Variants in KAZN observed in about 807,000 individuals in gnomAD.
KAZN encodes the protein kazrin, periplakin interacting protein.
In KAZN, 40 loss-of-function variants were observed where a neutral mutation model predicts 87.4. The observed-to-expected ratio is 0.46, with a 90% CI of 0.36 to 0.60. KAZN has a LOEUF of 0.60. Among genes scored for constraint, KAZN ranks in the 20% least tolerant of loss-of-function variants. The probability of loss-of-function intolerance (pLI) is 0.00; values close to 1 mark genes in which losing one functional copy is unlikely to be tolerated. For synonymous variants in KAZN, 466 were observed against 458.3 expected (o/e 1.02, Z -0.22); for missense variants, 898 against 1,073.9 (o/e 0.84, Z 2.29).
intron 1 of KAZN, among the ~76,000 whole-genome samples, chr1:14,142,634 G>T (rs558194261): frequency 6.6e-6 from 1 of 152,350 alleles, no homozygotes; most frequent in Non-Finnish European, 1.5e-5. Flanking sequence ...GTAGCCTTCA[G>T]CATTGGCTGT....
intron 1 of KAZN, among the ~76,000 whole-genome samples, chr1:14,681,629 A>G (rs996440701): frequency 1.5e-3 from 16 of 10,486 alleles, no homozygotes; most frequent in South Asian, 5.1e-3. Context: ...ATATATATAT[A>G]TATATATATA....
intron 2 of KAZN, among the ~76,000 whole-genome samples, chr1:14,219,028 G>C (rs1647031459): frequency 6.6e-6 from 1 of 152,048 alleles, no homozygotes. Flanking sequence ...CAATCCAGTA[G>C]ATCCACAGAG....
At chr1:14,492,906 C>T (rs959092233) in intron 2 of KAZN, among the ~76,000 whole-genome samples, 1 of 151,692 alleles carries the variant, frequency 6.6e-6, no homozygotes, top group Non-Finnish European at 1.5e-5. Context: ...CTCTGCCATC[C>T]CCCACCACTT....
At chr1:14,869,982 G>C (rs1415643750) in intron 1 of KAZN, among the ~76,000 whole-genome samples, 1 of 152,108 alleles carries the variant, frequency 6.6e-6, no homozygotes, top group African/African-American at 2.4e-5. Flanking sequence ...GGTATCCGGG[G>C]AAAAATGACA....
chr1:15,109,791 G>GTGTA (rs1157951993), intron 13 of KAZN, among the ~76,000 whole-genome samples: 3 of 27,850 alleles, frequency 1.1e-4, no homozygotes, highest in Non-Finnish European at 2.0e-4. Flanking sequence ...ATGTGTTTGT[G>GTGTA]TGTATGTGTA....
chr1:14,418,040 A>AAAAAAAAAAAAAC (rs1664965966), intron 2 of KAZN, among the ~76,000 whole-genome samples: 2 of 134,524 alleles, frequency 1.5e-5, no homozygotes, highest in African/African-American at 2.8e-5. Flanking sequence ...AAAAAAAAAA[A>AAAAAAAAAAAAAC]AAAACCTACA....
At chr1:14,797,456 G>A (rs1054388825) in intron 1 of KAZN, among the ~76,000 whole-genome samples, 5 of 152,178 alleles carry the variant, frequency 3.3e-5, no homozygotes. Flanking sequence ...GGAGATGAGA[G>A]TCTATGAAGA....
intron 1 of KAZN, among the ~76,000 whole-genome samples, chr1:13,948,924 G>C (rs1455969770): frequency 1.3e-5 from 2 of 152,104 alleles, no homozygotes; most frequent in Admixed American, 1.3e-4. Flanking sequence ...AGGTCACTCG[G>C]GTAGCAAGAG....
intron 2 of KAZN, among the ~76,000 whole-genome samples, chr1:14,363,847 T>C (rs987293434): frequency 2.6e-5 from 4 of 152,222 alleles, no homozygotes; most frequent in African/African-American, 9.6e-5. Context: ...AAAGGGTTTC[T>C]ACGGTCAAAT....
At chr1:14,683,405 C>T (rs1046597449) in intron 1 of KAZN, among the ~76,000 whole-genome samples, 13 of 152,128 alleles carry the variant, frequency 8.5e-5, no homozygotes, top group African/African-American at 3.1e-4. Context: ...CATTCTCCTC[C>T]GGGGGCTCCT....
At chr1:14,098,446 G>A (rs1300561872) in intron 1 of KAZN, among the ~76,000 whole-genome samples, 1 of 152,152 alleles carries the variant, frequency 6.6e-6, no homozygotes, top group Non-Finnish European at 1.5e-5. Flanking sequence ...TTATGCTGGA[G>A]CTCTGTTTGC....
chr1:14,649,398 C>T (rs1299339595), intron 1 of KAZN, among the ~76,000 whole-genome samples: 1 of 152,124 alleles, frequency 6.6e-6, no homozygotes, highest in Non-Finnish European at 1.5e-5. Context: ...AGCAGGTAAC[C>T]AGTAGAGGTG....
At chr1:14,934,600 A>G (rs1222676993) in intron 1 of KAZN, among the ~76,000 whole-genome samples, 1 of 152,190 alleles carries the variant, frequency 6.6e-6, no homozygotes, top group Non-Finnish European at 1.5e-5. Context: ...TAGACGCTGT[A>G]GTGTAGGGAG....
chr1:14,801,092 G>A, intron 1 of KAZN, among the ~76,000 whole-genome samples: 1 of 151,996 alleles, frequency 6.6e-6, no homozygotes, highest in South Asian at 2.1e-4. Context: ...GAGTCACGGG[G>A]CGCAGAGGGT....
At chr1:14,056,488 G>C (rs1642566364) in intron 1 of KAZN, among the ~76,000 whole-genome samples, 1 of 152,200 alleles carries the variant, frequency 6.6e-6, no homozygotes, top group Admixed American at 6.5e-5. Context: ...ACCCAGCCCT[G>C]CTGACATCCT....
intron 1 of KAZN, among the ~76,000 whole-genome samples, chr1:14,042,139 T>C (rs141668198): frequency 2.6e-3 from 403 of 152,322 alleles, no homozygotes; most frequent in African/African-American, 9.4e-3. Context: ...TAGTCAACTG[T>C]AGGACCTCCT....
chr1:14,139,964 TGTGTGG>T (rs1402809595), intron 1 of KAZN, among the ~76,000 whole-genome samples: 1 of 69,106 alleles, frequency 1.4e-5, no homozygotes, highest in African/African-American at 1.1e-4. Flanking sequence ...TGTGTGTGTG[TGTGTGG>T]TATGTATGTG....
At position 14,560,440 on chromosome 1, in the gene KAZN, G is replaced by A. The variant is rs527626383; in HGVS notation, c.250-38543G>A. On this transcript the variant is annotated intron_variant, in intron 2 of 16. Transcript: ENST00000636203. ...ACTAAAATACAAAAATTAGCCAGGC[G>A]TGGTGGTATGTGCCTGTAATCCCAG... 3.7e-4 allele frequency among the ~76,000 whole-genome samples: 57 copies of A among 152,244 alleles called. 1 individual carries two copies. The South Asian group carries it at 5.2e-3, about 14-fold the overall frequency.
intron 2 of KAZN, among the ~76,000 whole-genome samples, chr1:14,395,961 G>C (rs372052735): frequency 6.6e-6 from 1 of 152,048 alleles, no homozygotes; most frequent in South Asian, 2.1e-4. Flanking sequence ...GAGGTCAGAC[G>C]CTCGAGACCA....
Sources: gnomAD v4.1 joint callset for allele counts (sites outside exome capture counted in the v4.1 genomes callset) on GRCh38, gnomAD v4.1.1 for gene constraint, MANE v1.5 for transcripts, NCBI Gene and HGNC (gene_info 2026-07-23, HGNC 2026-07-21) for gene names.